The following KTN1 variants were observed in gnomAD, a reference collection of about 807,000 sequenced individuals.
KTN1 encodes kinectin 1, also known as kinectin.
Under a neutral mutation model 222.5 loss-of-function variants are expected in KTN1, and 130 were observed. The ratio of observed to expected loss-of-function variants is 0.58; its 90% CI spans 0.51 to 0.68. The LOEUF is 0.68. Ranked by LOEUF, KTN1 falls within the 30% of genes least tolerant of loss-of-function variation. The pLI, the probability that KTN1 is intolerant of heterozygous loss-of-function variation, is 0.00. For synonymous variants in KTN1, 512 were observed against 496.3 expected, an observed-to-expected ratio of 1.03 and a Z score of -0.42; for missense variants, 1,508 against 1,500.4, an observed-to-expected ratio of 1.01 and a Z score of -0.08.
intron 1 of KTN1, 129 bp downstream of exon 1, chr14:55,580,483 C>T (rs1249601293): frequency 6.8e-6 from 1 of 147,466 alleles, no homozygotes; most frequent in Non-Finnish European, 1.5e-5. Flanking sequence ...CCGCGGGGCC[C>T]GGACGCCGCC....
chr14:55,632,413 A>G (rs1003723726), intron 7 of KTN1, among the ~76,000 whole-genome samples: 2 of 152,230 alleles, frequency 1.3e-5, no homozygotes, highest in African/African-American at 2.4e-5. Flanking sequence ...AGATTATTTC[A>G]TACAAAAACA....
At position 55,650,664 on chromosome 14, in the gene KTN1, CAG is replaced by C. The variant is rs2042848606; in HGVS notation, c.2565+29_2565+30del. ...TAAAAATCCCAGAGCCATAGCATGA[CAG>C]ATTTATTAGTTGTGTTATTTATGAG... is the stretch of plus-strand genomic sequence containing the variant. On this transcript the variant is annotated intron_variant, in intron 24 of 43. Coordinates refer to ENST00000395314, the MANE Select transcript of KTN1 (RefSeq NM_001079521.2). 4.0e-6 allele frequency: 6 copies of C among 1,515,364 alleles called. No individual in the cohort carries two copies. In the South Asian group the frequency reaches 7.0e-5, roughly 18 times the overall value. The allele number at this position is 1,515,364 out of a possible 1,614,324, so 93.9% of individuals were successfully genotyped here.
chr14:55,676,654 A>G lies in KTN1; in HGVS notation c.3855+736A>G, dbSNP rs139455875. Among the ~76,000 whole-genome samples, 500 of 152,308 alleles carry G rather than the reference A, an allele frequency of 3.3e-3. 12 individuals are homozygous for G. Among genetic ancestry groups the G allele is most frequent in the Admixed American group, 0.028 (423 of 15,300 alleles). Reference sequence around the variant, plus strand: ...ATGGTATGAGAACATGTATTTCCCTATACCCTCACCAATATTAGATACTGT... The same window carrying G: ...ATGGTATGAGAACATGTATTTCCCTGTACCCTCACCAATATTAGATACTGT... On this transcript the variant is annotated intron_variant, in intron 41 of 43. Transcript: ENST00000395314.
chr14:55,582,785 G>C (rs1348847522), intron 1 of KTN1, among the ~76,000 whole-genome samples: 1 of 152,114 alleles, frequency 6.6e-6, no homozygotes, highest in East Asian at 1.9e-4. Context: ...ATGTAATAAG[G>C]AAATGAGAAA....
chr14:55,591,027 T>C (rs1474853836), intron 1 of KTN1, among the ~76,000 whole-genome samples: 1 of 152,098 alleles, frequency 6.6e-6, no homozygotes, highest in African/African-American at 2.4e-5. Flanking sequence ...GGCTACTTCA[T>C]GTATGAATAT....
intron 5 of KTN1, among the ~76,000 whole-genome samples, chr14:55,619,882 C>T (rs2038904230): frequency 6.6e-6 from 1 of 152,148 alleles, no homozygotes; most frequent in Non-Finnish European, 1.5e-5. Flanking sequence ...TCATGCCCTC[C>T]TACTGGTCCC....
chr14:55,653,161 T>A, intron 27 of KTN1, 76 bp downstream of exon 27: 1 of 972,322 alleles, frequency 1.0e-6, no homozygotes, highest in African/African-American at 1.6e-5. Context: ...AAAGTAAAGA[T>A]GTTAATATGT....
intron 1 of KTN1, among the ~76,000 whole-genome samples, chr14:55,597,103 T>G (rs376467476): frequency 1.3e-5 from 2 of 152,268 alleles, no homozygotes; most frequent in East Asian, 1.9e-4. Context: ...AAGGACCACC[T>G]ATATAAAGTT....
chr14:55,650,413 G>C lies in KTN1; in HGVS notation c.2491G>C (p.Val831Leu). The C allele has an allele frequency of 1.9e-6, 3 of 1,606,970 alleles. No homozygotes were observed. Among genetic ancestry groups the C allele is most frequent in the Non-Finnish European group, 2.6e-6 (3 of 1,175,512 alleles). ...LLKVANKEKTVQDLKQEIKAL... is the reference protein window; with the variant it reads ...LLKVANKEKTLQDLKQEIKAL... The stretch of plus-strand genomic sequence containing the variant: ...CAAAGTTGCTAACAAGGAGAAAACT[G>C]TTCAGGTATTGGGAGACAGAGAACT... Residue 831 changes from valine to leucine, a missense_variant, in exon 23 of 44, where the codon GTT (valine) becomes CTT (leucine). By Grantham distance (32) the Val-to-Leu change is conservative. Transcript: ENST00000395314.
chr14:55,621,000 C>T (rs1319871003), intron 5 of KTN1, among the ~76,000 whole-genome samples: 1 of 152,144 alleles, frequency 6.6e-6, no homozygotes, highest in Non-Finnish European at 1.5e-5. Context: ...ACCCAGGTCA[C>T]CTCTTGAATG....
At chr14:55,586,687 C>T (rs535085347) in intron 1 of KTN1, among the ~76,000 whole-genome samples, 2 of 151,988 alleles carry the variant, frequency 1.3e-5, no homozygotes, top group African/African-American at 2.4e-5. Flanking sequence ...GGATCCCCCT[C>T]CCCCCCATAG....
intron 1 of KTN1, among the ~76,000 whole-genome samples, chr14:55,606,390 A>G (rs1020058305): frequency 3.9e-5 from 6 of 152,062 alleles, no homozygotes; most frequent in Admixed American, 2.6e-4. Flanking sequence ...GTGGTGGAAA[A>G]AGATTTTCAC....
rs2044486894 is a variant in KTN1, at chr14:55,664,462, G to A, written c.3177+421G>A. Among the ~76,000 whole-genome samples, 4 of 152,128 alleles carry A rather than the reference G, an allele frequency of 2.6e-5. No individual in the cohort carries two copies. The South Asian group carries it at 8.3e-4, about 31-fold the overall frequency. ...GGGCACACCAAGATGTCTCAGATAAGGTAGAGAAATGATCAAAGTCTTAAA... is the reference window on the plus strand; with the variant it reads ...GGGCACACCAAGATGTCTCAGATAAAGTAGAGAAATGATCAAAGTCTTAAA... On this transcript the variant is annotated intron_variant, in intron 33 of 43. Coordinates refer to ENST00000395314, the MANE Select transcript of KTN1 (RefSeq NM_001079521.2).
At chr14:55,630,302 A>G (rs948230568) in intron 7 of KTN1, among the ~76,000 whole-genome samples, 5 of 152,160 alleles carry the variant, frequency 3.3e-5, no homozygotes, top group African/African-American at 1.2e-4. Context: ...GATGATAGAG[A>G]TAAGTATTGG....
intron 1 of KTN1, among the ~76,000 whole-genome samples, chr14:55,587,238 T>C (rs947646769): frequency 1.3e-5 from 2 of 152,170 alleles, no homozygotes; most frequent in African/African-American, 4.8e-5. Flanking sequence ...TTTATTAGCA[T>C]GGCTAACTGA....
chr14:55,632,799 A>T (rs1301054408), intron 7 of KTN1, among the ~76,000 whole-genome samples: 1 of 152,212 alleles, frequency 6.6e-6, no homozygotes, highest in Non-Finnish European at 1.5e-5. Context: ...CCAATTTGTA[A>T]CTTAATATAA....
In KTN1 at chr14:55,596,831, C is replaced by A. The variant is rs538042022; in HGVS notation, c.-30-15188C>A. 2.0e-5 allele frequency among the ~76,000 whole-genome samples: 3 copies of A among 149,868 alleles called. No individual in the cohort carries two copies. The South Asian group carries it at 6.3e-4, about 32-fold the overall frequency. On this transcript the variant is annotated intron_variant, in intron 1 of 43. Transcript: ENST00000395314. Reference sequence around the variant, plus strand: ...TTTTTTTTTGACAAAGTTTTTTTTGCCACTGTAGACTTAAACTTTGTTAAT... The same window carrying A: ...TTTTTTTTTGACAAAGTTTTTTTTGACACTGTAGACTTAAACTTTGTTAAT...
intron 15 of KTN1, 102 bp from the exon 16 acceptor site, chr14:55,640,831 A>G (rs2041720675): frequency 1.7e-5 from 16 of 928,656 alleles, no homozygotes; most frequent in Non-Finnish European, 2.7e-5. Flanking sequence ...GTAACTTCAA[A>G]TATATGGAAA....
chr14:55,647,514 T>C (rs1284468233), intron 19 of KTN1, among the ~76,000 whole-genome samples: 1 of 150,562 alleles, frequency 6.6e-6, no homozygotes, highest in Non-Finnish European at 1.5e-5. Context: ...ATGCCTGTAA[T>C]CCCAGCTACT....
Sources: allele counts gnomAD v4.1 joint callset (sites outside exome capture counted in the v4.1 genomes callset), GRCh38; gene constraint gnomAD v4.1.1; transcripts MANE v1.5; gene names NCBI Gene and HGNC (gene_info 2026-07-23, HGNC 2026-07-21).